ZNF705B: variants seen among roughly 807,000 people sequenced by gnomAD.
The protein encoded by ZNF705B is Putative zinc finger protein 705D-like protein LOC100132396.
ZNF705B carries 1 observed loss-of-function variant against 10.5 expected under a neutral mutation model. The ratio of observed to expected loss-of-function variants is 0.10; its 90% CI spans 0.03 to 0.45. The LOEUF (loss-of-function observed/expected upper bound fraction) is 0.45. Among genes scored for constraint, ZNF705B ranks in the 20% least tolerant of loss-of-function variants. The pLI is 0.97. For missense variants in ZNF705B, 14 were observed against 84.0 expected, an observed-to-expected ratio of 0.17 and a Z score of 3.26; for synonymous variants, 4 against 25.4, an observed-to-expected ratio of 0.16 and a Z score of 2.53.
Position 7,930,438 on chromosome 8 carries a change from T to A in ZNF705B, c.-72+2T>A, listed in dbSNP as rs1819811454. The A allele has an allele frequency of 1.3e-5, 1 of 76,598 alleles. No homozygotes were observed. The highest frequency in any genetic ancestry group is 2.0e-4 in the Admixed American group (1 of 5,050). The allele number at this position is 76,598 out of a possible 1,614,324, so 4.7% of individuals were successfully genotyped here. A position where few individuals can be genotyped will look rare whatever the true frequency, so the allele number is the denominator to read the frequency against. ...GATGTCTGATACAAACAGCCTCAGG[T>A]AAGCTACAAGTCCACCTGGAGGATG... On this transcript the variant is annotated splice_donor_variant, in intron 2 of 6. Transcript: ENST00000400120. LOFTEE classifies it low-confidence loss of function (5UTR_SPLICE).
At chr8:7,929,170 G>C (rs1217694702) in intron 1 of ZNF705B, among the ~76,000 whole-genome samples, 1 of 121,782 alleles carries the variant, frequency 8.2e-6, no homozygotes, top group African/African-American at 2.5e-5. Flanking sequence ...GGTAATGTCA[G>C]TCGTATTAAA....
At chr8:7,928,226 A>G (rs1436874293) in intron 1 of ZNF705B, among the ~76,000 whole-genome samples, 1 of 113,336 alleles carries the variant, frequency 8.8e-6, no homozygotes, top group Non-Finnish European at 2.1e-5. Context: ...TCCACGACTT[A>G]ATCACCTCCT....
chr8:7,937,166 G>C (rs1275685426), intron 2 of ZNF705B, among the ~76,000 whole-genome samples: 3 of 116,666 alleles, frequency 2.6e-5, no homozygotes, highest in African/African-American at 7.8e-5. Flanking sequence ...AGATTACCCA[G>C]TGATCGAGTG....
intron 1 of ZNF705B, among the ~76,000 whole-genome samples, chr8:7,927,429 T>A (rs1166075563): frequency 8.2e-6 from 1 of 121,370 alleles, no homozygotes; most frequent in Non-Finnish European, 2.0e-5. Flanking sequence ...GATGATGAGC[T>A]TTTTTTCATG....
chr8:7,935,252 A>G (rs1458254592), intron 2 of ZNF705B, among the ~76,000 whole-genome samples: 2 of 123,872 alleles, frequency 1.6e-5, no homozygotes, highest in Admixed American at 8.5e-5. Flanking sequence ...TTGAGGTTGC[A>G]ATTTTTCTCT....
At chr8:7,934,288 AT>A (rs1327274272) in intron 2 of ZNF705B, 2 of 864,452 alleles carry the variant, frequency 2.3e-6, no homozygotes, top group African/African-American at 3.3e-5. Context: ...GTTTTGGTTT[AT>A]TCTTTTTTGA....
chr8:7,936,734 G>A (rs1210682738), intron 2 of ZNF705B, among the ~76,000 whole-genome samples: 1 of 118,654 alleles, frequency 8.4e-6, no homozygotes, highest in Non-Finnish European at 2.0e-5. Context: ...GGGAGGGAGA[G>A]GGAGTAAAGT....
At chr8:7,935,862 A>G (rs1819999567) in intron 2 of ZNF705B, among the ~76,000 whole-genome samples, 1 of 91,592 alleles carries the variant, frequency 1.1e-5, no homozygotes. Context: ...GTCAGCTATT[A>G]CGTATAGTAG....
chr8:7,932,471 A>G (rs1819877143), intron 2 of ZNF705B, among the ~76,000 whole-genome samples: 1 of 121,372 alleles, frequency 8.2e-6, no homozygotes, highest in East Asian at 2.3e-4. Flanking sequence ...ATGAGAGGAT[A>G]ATATTCTATG....
At chr8:7,928,297 G>A (rs1230009385) in intron 1 of ZNF705B, among the ~76,000 whole-genome samples, 3 of 120,422 alleles carry the variant, frequency 2.5e-5, no homozygotes, top group South Asian at 2.8e-4. Flanking sequence ...ACAGATGAAT[G>A]GGGAGACAGA....
chr8:7,940,221 C>T (rs560828978), intron 2 of ZNF705B, among the ~76,000 whole-genome samples: 99 of 146,360 alleles, frequency 6.8e-4, no homozygotes, highest in African/African-American at 2.2e-3. Context: ...AACATCTACC[C>T]CTCCTTTTAA....
At chr8:7,936,655 G>T (rs1820023569) in intron 2 of ZNF705B, among the ~76,000 whole-genome samples, 1 of 118,684 alleles carries the variant, frequency 8.4e-6, no homozygotes, top group African/African-American at 2.6e-5. Context: ...TCAGTTATAA[G>T]GGGGAGCCGA....
chr8:7,929,956 T>G (rs866663758), intron 1 of ZNF705B, among the ~76,000 whole-genome samples: 366 of 88,334 alleles, frequency 4.1e-3, no homozygotes, highest in African/African-American at 0.011. Flanking sequence ...TTTCAAAAAA[T>G]ATCCATTTAC....
Position 7,937,646 on chromosome 8 carries a change from C to T in ZNF705B, c.-72+7210C>T, listed in dbSNP as rs183758482. ...AGCCAGGGTGACTATTTAACAAGTA[C>T]TAGTGAGACAGGAATTCAGTAATGC... On this transcript the variant is annotated intron_variant, in intron 2 of 6. Transcript: ENST00000400120. Among the ~76,000 whole-genome samples the T allele has an allele frequency of 1.1e-4, 13 of 119,580 alleles. 1 individual carries two copies. The East Asian group carries it at 2.9e-3, about 26-fold the overall frequency. The allele number at this position is 119,580 out of a possible 152,430, so 78.4% of individuals were successfully genotyped here.
At chr8:7,930,810 G>C (rs1819821248) in intron 2 of ZNF705B, among the ~76,000 whole-genome samples, 1 of 112,392 alleles carries the variant, frequency 8.9e-6, no homozygotes, top group Admixed American at 1.1e-4. Context: ...CTGTTTACCA[G>C]ACATCACGGC....
chr8:7,932,598 A>G lies in ZNF705B; in HGVS notation c.-72+2162A>G, dbSNP rs534751358. On this transcript the variant is annotated intron_variant, in intron 2 of 6. Transcript: ENST00000400120. ...AAGGGTCAGTTGGTGATGCAGTTTC[A>G]AAAATGCACTGAGGAAAACTTGGCA... Among the ~76,000 whole-genome samples, 165 of 121,766 alleles carry G rather than the reference A, an allele frequency of 1.4e-3. 4 individuals carry two copies. The highest frequency in any genetic ancestry group is 3.9e-3 in the African/African-American group (154 of 39,926). 79.9% of individuals were successfully genotyped at this position (121,766 alleles called of 152,430 possible).
At chr8:7,935,414 GAA>G (rs1295379259) in intron 2 of ZNF705B, among the ~76,000 whole-genome samples, 1 of 145,830 alleles carries the variant, frequency 6.9e-6, no homozygotes, top group Non-Finnish European at 1.5e-5. Flanking sequence ...TACTGAGTTT[GAA>G]AAGTGTTTTA....
intron 2 of ZNF705B, among the ~76,000 whole-genome samples, chr8:7,936,166 A>T (rs1263376477): frequency 3.5e-5 from 4 of 115,022 alleles, no homozygotes; most frequent in African/African-American, 1.0e-4. Context: ...TATTCAGTAA[A>T]TGATTGTGGA....
rs1820268007 is a variant in ZNF705B at position 7,949,189 on chromosome 8, G to A, written c.73G>A (p.Asp25Asn). 1.2e-6 allele frequency: 1 copy of A among 836,944 alleles called. No homozygotes were observed. The highest frequency in any genetic ancestry group is 1.6e-6 in the Non-Finnish European group (1 of 619,204). 51.8% of individuals were successfully genotyped at this position (836,944 alleles called of 1,614,324 possible). A position where few individuals can be genotyped will look rare whatever the true frequency, so the allele number is the denominator to read the frequency against. ...DFTQEEWDMMDTSKRKLYRDV... is the reference protein window; with the variant it reads ...DFTQEEWDMMNTSKRKLYRDV... The stretch of plus-strand genomic sequence containing the variant: ...CACCCAGGAAGAGTGGGACATGATG[G>A]ACACATCCAAAAGAAAGCTGTACAG... The change falls in exon 4 of 7, where the codon GAC becomes AAC. Residue 25 changes from aspartate (D) to asparagine (N), a missense_variant. Transcript: ENST00000400120.
Sources: gnomAD v4.1 joint callset for allele counts (sites outside exome capture counted in the v4.1 genomes callset) on GRCh38, gnomAD v4.1.1 for gene constraint, MANE v1.5 for transcripts, NCBI Gene and HGNC (gene_info 2026-07-23, HGNC 2026-07-21) for gene names.